The following SLCO1B1 variants were observed in gnomAD, a reference collection of about 807,000 sequenced individuals.
SLCO1B1 encodes OATP-2.
In SLCO1B1, 81 loss-of-function variants were observed where a neutral mutation model predicts 70.1. The ratio of observed to expected loss-of-function variants is 1.16; its 90% CI spans 0.97 to 1.39. The LOEUF (loss-of-function observed/expected upper bound fraction) is 1.39, where lower values mean the gene tolerates loss of function less well. Ranked by LOEUF, SLCO1B1 falls within the 40% of genes most tolerant of loss-of-function variation. The pLI, the probability that SLCO1B1 is intolerant of heterozygous loss-of-function variation, is 0.00. For synonymous variants in SLCO1B1, 283 were observed against 271.5 expected (o/e 1.04, Z -0.42); for missense variants, 895 against 799.6 (o/e 1.12, Z -1.44).
intron 14 of SLCO1B1, among the ~76,000 whole-genome samples, chr12:21,228,766 C>G (rs1335582807): frequency 3.3e-5 from 5 of 152,138 alleles, no homozygotes; most frequent in African/African-American, 1.2e-4. Context: ...GAAAGGAATA[C>G]AGCCCTGCTG....
intron 7 of SLCO1B1, among the ~76,000 whole-genome samples, chr12:21,187,852 A>C (rs1052084831): frequency 6.6e-6 from 1 of 152,196 alleles, no homozygotes; most frequent in East Asian, 1.9e-4. Flanking sequence ...GTATTGGAGA[A>C]ATTCAAGAGC....
intron 9 of SLCO1B1, among the ~76,000 whole-genome samples, chr12:21,201,622 C>T (rs1422710224): frequency 6.6e-6 from 1 of 152,080 alleles, no homozygotes; most frequent in Non-Finnish European, 1.5e-5. Context: ...GTGTGAGTTA[C>T]TGAGGGTTAG....
At position 21,141,776 on chromosome 12, in the gene SLCO1B1, A is replaced by G. The variant is rs73244856; in HGVS notation, c.84+118A>G. On this transcript the variant is annotated intron_variant, in intron 2 of 14. Coordinates refer to ENST00000256958, the MANE Select transcript of SLCO1B1 (RefSeq NM_006446.5). ...AAATTATAATTTTCAATTGAAGCAT[A>G]TATTGAAATATTAACATAATGATTC... 2,488 of 607,350 alleles carry G rather than the reference A, an allele frequency of 4.1e-3. 59 individuals are homozygous for G. The African/African-American group carries it at 0.041, about 10-fold the overall frequency. The allele number at this position is 607,350 out of a possible 1,614,324, so 37.6% of individuals were successfully genotyped here. A position where few individuals can be genotyped will look rare whatever the true frequency, so the allele number is the denominator to read the frequency against.
intron 1 of SLCO1B1, among the ~76,000 whole-genome samples, chr12:21,139,968 C>T (rs1220689450): frequency 6.6e-6 from 1 of 152,060 alleles, no homozygotes; most frequent in Non-Finnish European, 1.5e-5. Flanking sequence ...TAAGCTTCCT[C>T]CAGGCCTGAA....
chr12:21,196,923 G>T (rs746557027), intron 7 of SLCO1B1, 23 bp from the exon 8 acceptor site: 1 of 1,610,124 alleles, frequency 6.2e-7, no homozygotes. Context: ...TTTTTGACTG[G>T]CTTCTATAAT....
chr12:21,168,928 A>G (rs1940724874), intron 2 of SLCO1B1, among the ~76,000 whole-genome samples: 1 of 152,112 alleles, frequency 6.6e-6, no homozygotes, highest in Non-Finnish European at 1.5e-5. Flanking sequence ...TGCTTTTTGT[A>G]TCACATTTTA....
chr12:21,156,655 G>A (rs1448085323), intron 2 of SLCO1B1, among the ~76,000 whole-genome samples: 3 of 152,094 alleles, frequency 2.0e-5, no homozygotes, highest in Non-Finnish European at 4.4e-5. Context: ...GCAAAACAAT[G>A]TAGGTTTATA....
chr12:21,137,794 G>A (rs573955844), intron 1 of SLCO1B1, among the ~76,000 whole-genome samples: 1 of 152,320 alleles, frequency 6.6e-6, no homozygotes, highest in South Asian at 2.1e-4. Flanking sequence ...CCCGGGTGAG[G>A]CAATGCCTCG....
At chr12:21,157,267 G>C (rs560420233) in intron 2 of SLCO1B1, among the ~76,000 whole-genome samples, 1 of 152,166 alleles carries the variant, frequency 6.6e-6, no homozygotes, top group East Asian at 1.9e-4. Context: ...TCCACAGATG[G>C]GTTCCTGATT....
chr12:21,209,009 C>G (rs1447077172), intron 11 of SLCO1B1, among the ~76,000 whole-genome samples: 1 of 151,054 alleles, frequency 6.6e-6, no homozygotes, highest in Admixed American at 6.6e-5. Context: ...GTTGTCAGTT[C>G]TAGGAGGCTT....
chr12:21,190,934 T>C (rs1484162110), intron 7 of SLCO1B1, among the ~76,000 whole-genome samples: 1 of 152,106 alleles, frequency 6.6e-6, no homozygotes, highest in Non-Finnish European at 1.5e-5. Flanking sequence ...TGATTTATAA[T>C]ATTTTATTTT....
intron 1 of SLCO1B1, among the ~76,000 whole-genome samples, chr12:21,138,516 G>A (rs1425069908): frequency 1.3e-5 from 2 of 152,106 alleles, no homozygotes; most frequent in Non-Finnish European, 2.9e-5. Flanking sequence ...CAACTTTCTA[G>A]TTACTTTGTA....
At chr12:21,141,493 A>C (rs750325186) in intron 1 of SLCO1B1, 21 bp from the exon 2 acceptor site, 50 of 787,838 alleles carry the variant, frequency 6.3e-5, no homozygotes, top group Non-Finnish European at 4.4e-6. Context: ...AAAATAAACT[A>C]TACTTTTTCT....
intron 2 of SLCO1B1, among the ~76,000 whole-genome samples, chr12:21,144,121 A>T (rs1233706453): frequency 6.6e-6 from 1 of 152,124 alleles, no homozygotes; most frequent in Admixed American, 6.6e-5. Flanking sequence ...CTTCTCTTCA[A>T]ATTTAAACCC....
chr12:21,212,870 G>C (rs1941305175), intron 11 of SLCO1B1, among the ~76,000 whole-genome samples: 1 of 151,870 alleles, frequency 6.6e-6, no homozygotes, highest in South Asian at 2.1e-4. Context: ...TGTTTTATCA[G>C]AGACTAGGAT....
At chr12:21,190,374 C>G (rs1336524261) in intron 7 of SLCO1B1, among the ~76,000 whole-genome samples, 1 of 152,014 alleles carries the variant, frequency 6.6e-6, no homozygotes, top group Non-Finnish European at 1.5e-5. Flanking sequence ...TTGGCAGTCC[C>G]CTAGCCACTC....
intron 12 of SLCO1B1, among the ~76,000 whole-genome samples, chr12:21,220,118 T>C (rs1248343605): frequency 6.6e-6 from 1 of 152,138 alleles, no homozygotes; most frequent in Non-Finnish European, 1.5e-5. Flanking sequence ...GAATGTGGCA[T>C]GTGAGAAAGA....
At chr12:21,191,110 G>T in intron 7 of SLCO1B1, among the ~76,000 whole-genome samples, 1 of 151,452 alleles carries the variant, frequency 6.6e-6, no homozygotes, top group Admixed American at 6.6e-5. Context: ...ATGCTTTTTT[G>T]GCTATTTGAT....
intron 2 of SLCO1B1, among the ~76,000 whole-genome samples, chr12:21,151,264 A>C (rs1940467097): frequency 6.6e-6 from 1 of 152,200 alleles, no homozygotes; most frequent in African/African-American, 2.4e-5. Flanking sequence ...TCCAACATTG[A>C]CTTAAATGTC....
Sources: allele counts gnomAD v4.1 joint callset (sites outside exome capture counted in the v4.1 genomes callset), GRCh38; gene constraint gnomAD v4.1.1; transcripts MANE v1.5; gene names NCBI Gene and HGNC (gene_info 2026-07-23, HGNC 2026-07-21).